NAV3: variants seen among roughly 807,000 people sequenced by gnomAD.
The protein encoded by NAV3 is neuron navigator 3.
NAV3 carries 87 observed loss-of-function variants against 244.7 expected under a neutral mutation model. The ratio of observed to expected loss-of-function variants is 0.36; its 90% CI spans 0.30 to 0.42. NAV3 has a LOEUF of 0.42. Among genes scored for constraint, NAV3 ranks in the 20% least tolerant of loss-of-function variants. The pLI is 1.00. For missense variants in NAV3, 2,663 were observed against 2,893.3 expected (o/e 0.92, Z 1.83); for synonymous variants, 1,126 against 1,042.2 (o/e 1.08, Z -1.55).
rs1869874406 is a variant in NAV3 at position 77,590,862 on chromosome 12, C to T, written c.72+18596C>T. On this transcript the variant is annotated intron_variant, in intron 2 of 8. Coordinates refer to the NAV3 transcript ENST00000550042. Reference sequence around the variant, plus strand: ...ACTCCTTTTTCTTGTGGTTGTAGTTCTTTTAGCTTCAGTTTATTCATTTGA... The same window carrying T: ...ACTCCTTTTTCTTGTGGTTGTAGTTTTTTTAGCTTCAGTTTATTCATTTGA... Among the ~76,000 whole-genome samples the T allele has an allele frequency of 2.6e-5, 4 of 152,244 alleles. No individual in the cohort carries two copies. In the South Asian group the frequency reaches 8.3e-4, roughly 32 times the overall value.
At chr12:78,025,636 C>T (rs114621349) in intron 9 of NAV3, among the ~76,000 whole-genome samples, 1,533 of 150,282 alleles carry the variant, frequency 0.01, 29 homozygotes, top group African/African-American at 0.036. Context: ...AATTTGATCC[C>T]CAATGTTGTA....
intron 5 of NAV3, among the ~76,000 whole-genome samples, chr12:77,974,714 C>T (rs779461894): frequency 2.0e-5 from 3 of 152,178 alleles, no homozygotes; most frequent in Admixed American, 1.3e-4. Context: ...ATTCCCAGCG[C>T]AGTGGCATGG....
At chr12:77,625,339 A>G (rs1458029008) in intron 2 of NAV3, among the ~76,000 whole-genome samples, 1 of 152,174 alleles carries the variant, frequency 6.6e-6, no homozygotes, top group Non-Finnish European at 1.5e-5. Flanking sequence ...AACCATATGC[A>G]TTTAATAACT....
At chr12:78,134,855 G>T (rs1260244839) in intron 18 of NAV3, among the ~76,000 whole-genome samples, 1 of 152,264 alleles carries the variant, frequency 6.6e-6, no homozygotes, top group East Asian at 1.9e-4. Context: ...CTTAATAAAA[G>T]GTTAGTGGCT....
chr12:77,769,390 C>A (rs1366215797), intron 2 of NAV3, among the ~76,000 whole-genome samples: 12 of 152,176 alleles, frequency 7.9e-5, no homozygotes, highest in African/African-American at 2.4e-5. Context: ...GTACAGCTCC[C>A]AGAGTGGTCA....
chr12:77,670,883 G>A (rs79496627), intron 2 of NAV3, among the ~76,000 whole-genome samples: 2 of 152,016 alleles, frequency 1.3e-5, no homozygotes, highest in East Asian at 1.9e-4. Flanking sequence ...GGAACAAGAC[G>A]AGGATGGGTA....
intron 19 of NAV3, 133 bp from the exon 20 acceptor site, chr12:78,140,149 G>C: frequency 2.8e-6 from 2 of 712,786 alleles, no homozygotes; most frequent in East Asian, 5.3e-5. Flanking sequence ...TAGCAGGCTG[G>C]TTCTCAGAAT....
chr12:78,006,483 T>C lies in NAV3; in HGVS notation c.945T>C (p.Ala315=). The change falls in exon 8 of 40, where the codon GCT becomes GCC. Residue 315 remains alanine, a synonymous_variant. Transcript: ENST00000397909. ...VNGNVQPPST[A]GQPPASAIPS... ...GTAACGTGCAGCCTCCCAGTACTGC[T>C]GGGCAGCCTCCTGCCTCTGCCATCC... The C allele has an allele frequency of 6.2e-7, 1 of 1,614,042 alleles. No individual in the cohort carries two copies.
chr12:77,583,076 A>T (rs1314275807), intron 2 of NAV3, among the ~76,000 whole-genome samples: 1 of 152,188 alleles, frequency 6.6e-6, no homozygotes, highest in Non-Finnish European at 1.5e-5. Context: ...GTGTTTTTGC[A>T]AATGCTTAGA....
intron 39 of NAV3, among the ~76,000 whole-genome samples, chr12:78,210,078 G>A (rs369155357): frequency 2.0e-5 from 3 of 152,132 alleles, no homozygotes; most frequent in African/African-American, 2.4e-5. Flanking sequence ...GAAGCTTGGC[G>A]TACTTTCCAG....
At chr12:78,076,689 T>TAA (rs34018907) in intron 12 of NAV3, among the ~76,000 whole-genome samples, 3 of 151,914 alleles carry the variant, frequency 2.0e-5, no homozygotes, top group Non-Finnish European at 4.4e-5. Flanking sequence ...GAGAGCTTTT[T>TAA]AAAAAAAACA....
intron 2 of NAV3, among the ~76,000 whole-genome samples, chr12:77,794,186 G>A (rs1871305918): frequency 6.6e-6 from 1 of 152,010 alleles, no homozygotes; most frequent in Non-Finnish European, 1.5e-5. Context: ...TTCTTGTCTT[G>A]TAAATTTTTT....
At chr12:77,606,355 G>A (rs1870671553) in intron 2 of NAV3, among the ~76,000 whole-genome samples, 1 of 152,106 alleles carries the variant, frequency 6.6e-6, no homozygotes, top group Admixed American at 6.6e-5. Flanking sequence ...GTGTAGCTTA[G>A]CCTCACTTGT....
intron 9 of NAV3, among the ~76,000 whole-genome samples, chr12:78,037,750 C>T (rs899909764): frequency 7.9e-5 from 12 of 152,128 alleles, no homozygotes; most frequent in Non-Finnish European, 1.3e-4. Context: ...TTCAACTTCC[C>T]TCAAGGTGAC....
At chr12:77,631,244 T>C (rs1234024260) in intron 2 of NAV3, among the ~76,000 whole-genome samples, 1 of 152,138 alleles carries the variant, frequency 6.6e-6, no homozygotes, top group Non-Finnish European at 1.5e-5. Context: ...TCCCAGTCCC[T>C]CAGCTACTCC....
chr12:77,712,901 G>A (rs189868240), intron 2 of NAV3, among the ~76,000 whole-genome samples: 22 of 152,254 alleles, frequency 1.4e-4, no homozygotes, highest in Admixed American at 2.6e-4. Flanking sequence ...CACACTCCAA[G>A]GCTAATAGCT....
chr12:77,956,845 C>T (rs1456403414), intron 3 of NAV3, among the ~76,000 whole-genome samples: 1 of 151,956 alleles, frequency 6.6e-6, no homozygotes, highest in African/African-American at 2.4e-5. Flanking sequence ...GGGTTCAAGC[C>T]GAATCTCCTG....
intron 2 of NAV3, among the ~76,000 whole-genome samples, chr12:77,801,434 A>G (rs186191040): frequency 6.6e-6 from 1 of 152,218 alleles, no homozygotes; most frequent in Non-Finnish European, 1.5e-5. Context: ...CTCTCACACT[A>G]TACATGCTGA....
chr12:78,071,966 A>G (rs1952793661), intron 12 of NAV3, among the ~76,000 whole-genome samples: 1 of 152,204 alleles, frequency 6.6e-6, no homozygotes, highest in Non-Finnish European at 1.5e-5. Flanking sequence ...AGGCAGAAAT[A>G]AAGATGTTCT....
Sources: allele counts gnomAD v4.1 joint callset (sites outside exome capture counted in the v4.1 genomes callset), GRCh38; gene constraint gnomAD v4.1.1; transcripts MANE v1.5; gene names NCBI Gene and HGNC (gene_info 2026-07-23, HGNC 2026-07-21).